The following ATPAF2 variants were observed in gnomAD, a reference collection of about 807,000 sequenced individuals.
ATPAF2 encodes ATP synthase mitochondrial F1 complex assembly factor 2.
Under a neutral mutation model 36.6 loss-of-function variants are expected in ATPAF2, and 30 were observed. The observed-to-expected ratio is 0.82, with a 90% CI of 0.61 to 1.11. The LOEUF is 1.11. ATPAF2 is among the 50% of genes most tolerant of loss of function. The pLI is 0.00. For missense variants in ATPAF2, 321 were observed against 372.3 expected (o/e 0.86, Z 1.13); for synonymous variants, 140 against 152.6 (o/e 0.92, Z 0.61).
Position 18,026,469 on chromosome 17 carries a change from G to A in ATPAF2, c.325-53C>T, listed in dbSNP as rs936513418. 4.9e-6 allele frequency: 7 copies of A among 1,427,986 alleles called. No individual in the cohort carries two copies. The African/African-American group carries it at 9.8e-5, about 20-fold the overall frequency. 88.5% of individuals were successfully genotyped at this position (1,427,986 alleles called of 1,614,324 possible). ...CACTGCCTGCGGGGCTCAGGCAAAAGCCCTGCTTTCCTGAGGACACCACAT... is the reference window on the plus strand; with the variant it reads ...CACTGCCTGCGGGGCTCAGGCAAAAACCCTGCTTTCCTGAGGACACCACAT... On this transcript the variant is annotated intron_variant, in intron 3 of 7. Transcript: ENST00000474627.
chr17:18,016,163 A>C, downstream of ATPAF2: 1 of 1,613,986 alleles, frequency 6.2e-7, no homozygotes, highest in Non-Finnish European at 8.5e-7. Flanking sequence ...GGTGACCAGA[A>C]TCAACTCTTG....
At chr17:18,016,001 G>A (rs1009269271), downstream of ATPAF2, 3 of 1,578,544 alleles carry the variant, frequency 1.9e-6, no homozygotes, top group Admixed American at 1.7e-5. Flanking sequence ...TCTCTGTTCA[G>A]CTCCCTTTGT....
Position 18,018,391 on chromosome 17 carries a change from C to T in ATPAF2, c.*158G>A, listed in dbSNP as rs2044415057. Reference sequence around the variant, plus strand: ...GAAATCAGGCTGACCTCCGGACAGCCGTACTAGCGCACTGTGTCTCGGGGG... The same window carrying T: ...GAAATCAGGCTGACCTCCGGACAGCTGTACTAGCGCACTGTGTCTCGGGGG... On this transcript the variant is annotated 3_prime_UTR_variant, in exon 8 of 8. Coordinates refer to ENST00000474627, the MANE Select transcript of ATPAF2 (RefSeq NM_145691.4). 1 of 1,041,530 alleles carries T rather than the reference C, an allele frequency of 9.6e-7. No individual in the cohort carries two copies. The highest frequency in any genetic ancestry group is 1.4e-6 in the Non-Finnish European group (1 of 698,980). 64.5% of individuals were successfully genotyped at this position (1,041,530 alleles called of 1,614,324 possible).
Position 18,039,024 on chromosome 17 carries a change from G to A in ATPAF2, c.-11C>T. 6.3e-7 allele frequency: 1 copy of A among 1,591,266 alleles called. No homozygotes were observed. Among genetic ancestry groups the A allele is most frequent in the Non-Finnish European group, 8.6e-7 (1 of 1,168,832 alleles). On this transcript the variant is annotated 5_prime_UTR_variant, in exon 1 of 8. Transcript: ENST00000474627. The surrounding 1 kb of genome is among the most constrained non-coding windows in gnomAD (Gnocchi z 5.3). ...GCAGCTCCTCCACATCGCGCCCGAG[G>A]GTCTGGGAAGATGCGAGACGCGAAA...
chr17:18,016,837 G>C, downstream of ATPAF2: 3 of 433,906 alleles, frequency 6.9e-6, no homozygotes. Flanking sequence ...CAAAAGTAGA[G>C]AAAATAAAGG....
intron 7 of ATPAF2, among the ~76,000 whole-genome samples, chr17:18,019,875 C>T (rs997767650): frequency 1.3e-5 from 2 of 152,286 alleles, no homozygotes; most frequent in South Asian, 2.1e-4. Context: ...TGTAGAGGAT[C>T]GAAACCAAAG....
chr17:18,036,343 A>G (rs2145525723), intron 1 of ATPAF2, among the ~76,000 whole-genome samples: 1 of 152,222 alleles, frequency 6.6e-6, no homozygotes, highest in African/African-American at 2.4e-5. Context: ...TGGAAGGCTG[A>G]GGAGGGTGGA....
At position 18,039,010 on chromosome 17, in the gene ATPAF2, A is replaced by G. The variant is rs1410543525; in HGVS notation, c.4T>C (p.Trp2Arg). Residue 2 changes from tryptophan to arginine, a missense_variant, in exon 1 of 8, where the codon TGG becomes CGG. Physicochemically the swap from Trp to Arg is moderately radical, Grantham distance 101 (BLOSUM62 -3). This residue lies in a region of ATPAF2 where 69 missense variants were observed against 60.1 expected (regional missense o/e 1.15). Coordinates refer to ENST00000474627, the MANE Select transcript of ATPAF2 (RefSeq NM_145691.4). The surrounding 1 kb of genome is among the most constrained non-coding windows in gnomAD (Gnocchi z 5.3). ...TCCCGCAGCCGGAGGCAGCTCCTCC[A>G]CATCGCGCCCGAGGGTCTGGGAAGA... Reference protein sequence around the residue: MWRSCLRLRDGG... With the variant: MRRSCLRLRDGG... 6.2e-7 allele frequency: 1 copy of G among 1,602,762 alleles called. No individual in the cohort carries two copies. The highest frequency in any genetic ancestry group is 1.3e-5 in the African/African-American group (1 of 74,820).
chr17:18,026,379 T>C lies in ATPAF2; in HGVS notation c.362A>G (p.Gln121Arg). ...CCGGATCAGCTGATCCTTGTTTCTCTGGGTTGGGTTGTCCAATGATGTGTT... is the reference window on the plus strand; with the variant it reads ...CCGGATCAGCTGATCCTTGTTTCTCCGGGTTGGGTTGTCCAATGATGTGTT... ...LCNTSLDNPT[Q>R]RNKDQLIRAA... Residue 121 changes from glutamine to arginine, a missense_variant, in exon 4 of 8, where the codon CAG becomes CGG. Around this residue, in one of 3 missense-constraint regions of ATPAF2, gnomAD observed 199 missense variants for 220.6 expected, o/e 0.90. Transcript: ENST00000474627. 1 of 1,614,242 alleles carries C rather than the reference T, an allele frequency of 6.2e-7. No individual in the cohort carries two copies. Among genetic ancestry groups the C allele is most frequent in the Non-Finnish European group, 8.5e-7 (1 of 1,180,042 alleles).
At chr17:18,031,227 A>G (rs1267785512) in intron 1 of ATPAF2, among the ~76,000 whole-genome samples, 15 of 135,514 alleles carry the variant, frequency 1.1e-4, no homozygotes, top group Middle Eastern at 0.011. Flanking sequence ...CGCCCACCTC[A>G]GCCTCCCAAA....
chr17:18,021,041 A>G lies in ATPAF2; in HGVS notation c.732+82T>C, dbSNP rs1445057580. ...TAATAAAAGCCAAGTATGCATAACT[A>G]TATTTCAGATGGGTTAGCTGCTCCC... is the stretch of plus-strand genomic sequence containing the variant. On this transcript the variant is annotated intron_variant, in intron 7 of 7. Transcript: ENST00000474627. The G allele has an allele frequency of 3.9e-6, 6 of 1,530,912 alleles. No homozygotes were observed. The African/African-American group carries it at 5.5e-5, about 14-fold the overall frequency. The allele number at this position is 1,530,912 out of a possible 1,614,324, so 94.8% of individuals were successfully genotyped here.
Position 18,018,024 on chromosome 17 carries a change from T to C in ATPAF2, c.*525A>G, listed in dbSNP as rs2145480271. The C allele has an allele frequency of 5.6e-6, 1 of 179,838 alleles. No homozygotes were observed. The highest frequency in any genetic ancestry group is 2.4e-5 in the African/African-American group (1 of 42,200). 11.1% of individuals were successfully genotyped at this position (179,838 alleles called of 1,614,324 possible). ...AAACAACCAGCTTAGACCACAATTG[T>C]TTCAAAAGATTGTTTGATTAAAAGC... On this transcript the variant is annotated 3_prime_UTR_variant, in exon 8 of 8. Coordinates refer to ENST00000474627, the MANE Select transcript of ATPAF2 (RefSeq NM_145691.4).
chr17:18,019,689 G>A (rs2044440879), intron 7 of ATPAF2, among the ~76,000 whole-genome samples: 1 of 152,234 alleles, frequency 6.6e-6, no homozygotes, highest in Non-Finnish European at 1.5e-5. Context: ...TTGCCCAAGA[G>A]GCCTGGCCTG....
Position 18,039,015 on chromosome 17 carries a change from G to A in ATPAF2, c.-2C>T. On this transcript the variant is annotated 5_prime_UTR_variant, in exon 1 of 8. Transcript: ENST00000474627. The surrounding 1 kb of genome is among the most constrained non-coding windows in gnomAD (Gnocchi z 5.3). ...CAGCCGGAGGCAGCTCCTCCACATC[G>A]CGCCCGAGGGTCTGGGAAGATGCGA... The A allele has an allele frequency of 6.3e-7, 1 of 1,597,748 alleles. No individual in the cohort carries two copies. The highest frequency in any genetic ancestry group is 1.3e-5 in the African/African-American group (1 of 74,666).
rs572101504 is a variant in ATPAF2 at position 18,039,155 on chromosome 17, G to A, written c.-142C>T. 6.6e-6 allele frequency: 8 copies of A among 1,207,718 alleles called. No homozygotes were observed. Among genetic ancestry groups the A allele is most frequent in the Admixed American group, 2.1e-5 (1 of 48,158 alleles). 74.8% of individuals were successfully genotyped at this position (1,207,718 alleles called of 1,614,324 possible). ...GAGCCCTCAACCTCCCTTGGACGCC[G>A]CCATCTTCCGCATGACACCTACGGC... is the stretch of plus-strand genomic sequence containing the variant. On this transcript the variant is annotated 5_prime_UTR_variant, in exon 1 of 8. Transcript: ENST00000474627. This position sits in a 1 kb window ranked among gnomAD's most constrained non-coding sequence, Gnocchi z 5.3.
At chr17:18,021,597 C>A in intron 6 of ATPAF2, 148 bp downstream of exon 6, 2 of 774,530 alleles carry the variant, frequency 2.6e-6, no homozygotes, top group Admixed American at 1.8e-5. Context: ...GATTGGCTAG[C>A]ATCAGAGCCA....
rs530473651 is a variant in ATPAF2, at chr17:18,028,396, A to C, written c.179-19T>G. On this transcript the variant is annotated intron_variant, in intron 2 of 7. Coordinates refer to ENST00000474627, the MANE Select transcript of ATPAF2 (RefSeq NM_145691.4). ...AAGCCACCTTGAAAGATCAAATGAAAAACTCTCAGGGATTTGTTAAGTGGA... is the reference window on the plus strand; with the variant it reads ...AAGCCACCTTGAAAGATCAAATGAACAACTCTCAGGGATTTGTTAAGTGGA... The C allele has an allele frequency of 6.2e-7, 1 of 1,613,260 alleles. No individual in the cohort carries two copies. The highest frequency in any genetic ancestry group is 1.3e-5 in the African/African-American group (1 of 75,004).
Position 18,018,632 on chromosome 17 carries a change from G to T in ATPAF2, c.787C>A (p.Arg263=), listed in dbSNP as rs755734025. 1.9e-6 allele frequency: 3 copies of T among 1,614,004 alleles called. No individual in the cohort carries two copies. The South Asian group carries it at 3.3e-5, about 18-fold the overall frequency. ...WAHDYELQEL[R]ARTAAGTLFI... is the part of the protein sequence containing the mutation. Reference sequence around the variant, plus strand: ...AGGGTGCCGGCGGCGGTGCGGGCCCGCAGCTCCTGCAGCTCATAGTCATGG... The same window carrying T: ...AGGGTGCCGGCGGCGGTGCGGGCCCTCAGCTCCTGCAGCTCATAGTCATGG... The change falls in exon 8 of 8, where the codon CGG becomes AGG. Residue 263 remains arginine, a synonymous_variant. Coordinates refer to ENST00000474627, the MANE Select transcript of ATPAF2 (RefSeq NM_145691.4).
intron 6 of ATPAF2, 194 bp downstream of exon 6, chr17:18,021,551 T>C (rs1802474329): frequency 3.1e-6 from 2 of 644,330 alleles, no homozygotes. Context: ...GCTGGCGAAG[T>C]CGAAGGTGGA....
Sources: gnomAD v4.1 joint callset for allele counts (sites outside exome capture counted in the v4.1 genomes callset) on GRCh38, gnomAD v4.1.1 for gene constraint, gnomAD v4.1.1 regional missense constraint, Gnocchi (gnomAD v3.1) non-coding constraint, MANE v1.5 for transcripts, NCBI Gene and HGNC (gene_info 2026-07-23, HGNC 2026-07-21) for gene names.